Variants in AKAP9 observed in about 807,000 individuals in gnomAD.
The protein encoded by AKAP9 is A-kinase anchor protein 9.
In AKAP9, 311 loss-of-function variants were observed where a neutral mutation model predicts 488.5. The ratio of observed to expected loss-of-function variants is 0.64; its 90% confidence interval spans 0.58 to 0.70. The LOEUF (loss-of-function observed/expected upper bound fraction) is 0.70. Among genes scored for constraint, AKAP9 ranks in the 30% least tolerant of loss-of-function variants. AKAP9 has a pLI of 0.00. For missense variants in AKAP9, 4,215 were observed against 4,374.5 expected, an observed-to-expected ratio of 0.96 and a Z score of 1.03; for synonymous variants, 1,462 against 1,483.5, an observed-to-expected ratio of 0.99 and a Z score of 0.33.
At chr7:92,017,435 A>C (rs1801673220) in intron 12 of AKAP9, among the ~76,000 whole-genome samples, 1 of 152,120 alleles carries the variant, frequency 6.6e-6, no homozygotes, top group Non-Finnish European at 1.5e-5. Flanking sequence ...ACTGGTAATG[A>C]GTTTAGTTGC....
At position 92,052,779 on chromosome 7, in the gene AKAP9, A is replaced by G. The variant is rs1229060941; in HGVS notation, c.5422A>G (p.Ile1808Val). Residue 1808 changes from isoleucine to valine, a missense_variant, in exon 22 of 50, where the codon ATT becomes GTT. By Grantham distance (29) the Ile-to-Val change is conservative. Coordinates refer to ENST00000356239, the MANE Select transcript of AKAP9 (RefSeq NM_005751.5). ...YSGSDMPRND[I>V]NMWSKVTEEG... ...TGGAAGTGATATGCCAAGAAATGAC[A>G]TTAACATGTGGTCAAAAGTAACTGA... 6.2e-7 allele frequency: 1 copy of G among 1,613,834 alleles called. No homozygotes were observed. Among genetic ancestry groups the G allele is most frequent in the Non-Finnish European group, 8.5e-7 (1 of 1,179,798 alleles).
At chr7:92,012,923 C>G (rs541404401) in intron 9 of AKAP9, among the ~76,000 whole-genome samples, 7 of 145,838 alleles carry the variant, frequency 4.8e-5, no homozygotes, top group African/African-American at 7.7e-5. Context: ...ACATCTAGTA[C>G]TTCCTGGCAG....
chr7:91,941,900 G>A (rs566952275), intron 1 of AKAP9, among the ~76,000 whole-genome samples: 106 of 151,950 alleles, frequency 7.0e-4, no homozygotes, highest in Non-Finnish European at 1.2e-3. Context: ...GTGTGTGTGT[G>A]TGTGTGTGTG....
At position 92,002,766 on chromosome 7, in the gene AKAP9, G is replaced by A. The variant is rs773523925; in HGVS notation, c.2849G>A (p.Arg950Gln). ...ATGGAAAAACTTGAGGTAACCAAGC[G>A]AGAGAAATTAGAGCTGTCACAGAGA... ...ELMEKLEVTK[R>Q]EKLELSQRLS... is the part of the protein sequence containing the mutation. The change falls in exon 8 of 50, where the codon CGA becomes CAA. Residue 950 changes from arginine (R) to glutamine (Q), a missense_variant. Transcript: ENST00000356239. 4.3e-6 allele frequency: 7 copies of A among 1,613,534 alleles called. No individual in the cohort carries two copies. Among genetic ancestry groups the A allele is most frequent in the South Asian group, 1.1e-5 (1 of 91,038 alleles).
At chr7:92,069,943 A>G in intron 26 of AKAP9, 87 bp from the exon 27 acceptor site, 2 of 1,182,796 alleles carry the variant, frequency 1.7e-6, no homozygotes, top group Non-Finnish European at 1.2e-6. Flanking sequence ...TGGATTGTAG[A>G]TATCCAAAAT....
intron 5 of AKAP9, 55 bp downstream of exon 5, chr7:91,993,110 A>T (rs1797970503): frequency 1.3e-6 from 2 of 1,593,862 alleles, no homozygotes; most frequent in African/African-American, 2.7e-5. Flanking sequence ...AAAAACAGGA[A>T]ATGTGAATAA....
At chr7:92,036,598 G>T (rs1805242767) in intron 16 of AKAP9, among the ~76,000 whole-genome samples, 1 of 151,936 alleles carries the variant, frequency 6.6e-6, no homozygotes, top group African/African-American at 2.4e-5. Context: ...TATCCTCCTG[G>T]AACTCTAATT....
chr7:92,037,165 C>T (rs149112549), intron 16 of AKAP9, among the ~76,000 whole-genome samples: 1 of 152,286 alleles, frequency 6.6e-6, no homozygotes, highest in African/African-American at 2.4e-5. Context: ...TCAGTTTTAG[C>T]ATTATACTTC....
At chr7:92,003,706 G>A (rs1242249421) in intron 8 of AKAP9, among the ~76,000 whole-genome samples, 7 of 151,214 alleles carry the variant, frequency 4.6e-5, no homozygotes, top group African/African-American at 1.5e-4. Flanking sequence ...ATATTTTCCT[G>A]GGAGAAAAAA....
At chr7:92,098,040 G>T (rs1420947718) in intron 42 of AKAP9, 69 bp from the exon 43 acceptor site, 7 of 1,073,698 alleles carry the variant, frequency 6.5e-6, no homozygotes, top group Non-Finnish European at 1.0e-5. Flanking sequence ...CGCCTGCTCT[G>T]TAATGTTTGT....
chr7:92,070,806 CAAAAAAAAAA>C (rs34613656), intron 27 of AKAP9, 89 bp from the exon 28 acceptor site: 8 of 460,252 alleles, frequency 1.7e-5, no homozygotes, highest in Non-Finnish European at 2.8e-5. Flanking sequence ...TGCTGCTTCT[CAAAAAAAAAA>C]AAAAAAAAAG....
intron 25 of AKAP9, among the ~76,000 whole-genome samples, chr7:92,065,964 C>G (rs1325915175): frequency 3.3e-5 from 5 of 152,120 alleles, no homozygotes; most frequent in Non-Finnish European, 7.4e-5. Context: ...GCCTGATACT[C>G]TCTTCATAGA....
chr7:91,956,227 C>T (rs1481275267), intron 1 of AKAP9, among the ~76,000 whole-genome samples: 4 of 151,526 alleles, frequency 2.6e-5, no homozygotes, highest in Non-Finnish European at 4.4e-5. Flanking sequence ...GGTGAAACCC[C>T]ATCTCTACTA....
intron 3 of AKAP9, among the ~76,000 whole-genome samples, chr7:91,988,001 A>G (rs1365879452): frequency 6.6e-6 from 1 of 152,066 alleles, no homozygotes; most frequent in Non-Finnish European, 1.5e-5. Context: ...GGGAGACATC[A>G]TCTCTACAAA....
Position 92,017,239 on chromosome 7 carries a change from G to A in AKAP9, c.3837+137G>A, listed in dbSNP as rs950378924. The A allele has an allele frequency of 1.3e-4, 90 of 694,868 alleles. No homozygotes were observed. The African/African-American group carries it at 1.4e-3, about 11-fold the overall frequency. The allele number at this position is 694,868 out of a possible 1,614,324, so 43.0% of individuals were successfully genotyped here. ...AGATTGGGAAAAGTGACATATATTTGTAGTAGATAATTTATATTGGTAAGC... is the reference window on the plus strand; with the variant it reads ...AGATTGGGAAAAGTGACATATATTTATAGTAGATAATTTATATTGGTAAGC... On this transcript the variant is annotated intron_variant, in intron 12 of 49. Transcript: ENST00000356239.
intron 23 of AKAP9, among the ~76,000 whole-genome samples, 163 bp downstream of exon 23, chr7:92,061,585 T>TATATATAC (rs2130822182): frequency 1.8e-4 from 1 of 5,530 alleles, no homozygotes. Context: ...TTTTTAAAAC[T>TATATATAC]ATATATATAT....
At chr7:91,982,028 A>T (rs1228776825) in intron 3 of AKAP9, among the ~76,000 whole-genome samples, 1 of 152,158 alleles carries the variant, frequency 6.6e-6, no homozygotes, top group Non-Finnish European at 1.5e-5. Flanking sequence ...ATATTTTTTA[A>T]TATGCTAGTG....
Position 92,062,461 on chromosome 7 carries a change from A to G in AKAP9, c.5952A>G (p.Lys1984=), listed in dbSNP as rs773978065. The G allele has an allele frequency of 6.2e-7, 1 of 1,613,570 alleles. No homozygotes were observed. The highest frequency in any genetic ancestry group is 2.2e-5 in the East Asian group (1 of 44,852). ...ELLSRQKEAM[K]AEAGPVEQQL... ...TGTCCAGACAAAAGGAAGCTATGAA[A>G]GCAGAGGCAGGCCCAGTTGAACAAC... Residue 1984 remains lysine, a synonymous_variant, in exon 24 of 50, where the codon AAA becomes AAG. Coordinates refer to ENST00000356239, the MANE Select transcript of AKAP9 (RefSeq NM_005751.5).
At chr7:92,048,428 C>T (rs1228918465) in intron 21 of AKAP9, among the ~76,000 whole-genome samples, 2 of 152,130 alleles carry the variant, frequency 1.3e-5, no homozygotes, top group Non-Finnish European at 2.9e-5. Flanking sequence ...CATAAAATCA[C>T]TTAAACCTGA....
Sources: allele counts gnomAD v4.1 joint callset (sites outside exome capture counted in the v4.1 genomes callset), GRCh38; gene constraint gnomAD v4.1.1; transcripts MANE v1.5; gene names NCBI Gene and HGNC (gene_info 2026-07-23, HGNC 2026-07-21).